Variants in COL23A1 observed in about 807,000 individuals in gnomAD.
COL23A1 encodes collagen alpha-1(XXIII) chain.
COL23A1 carries 97 observed loss-of-function variants against 99.3 expected under a neutral mutation model. That is an observed-to-expected ratio of 0.98 (90% CI 0.83 to 1.16). The LOEUF (loss-of-function observed/expected upper bound fraction) is 1.16. Ranked by LOEUF, COL23A1 falls within the 50% of genes most tolerant of loss-of-function variation. COL23A1 has a pLI of 0.00. For missense variants in COL23A1, 762 were observed against 757.4 expected, an observed-to-expected ratio of 1.01 and a Z score of -0.07; for synonymous variants, 320 against 308.2, an observed-to-expected ratio of 1.04 and a Z score of -0.40.
At chr5:178,358,433 ATGTGTG>A (rs1179778347) in intron 2 of COL23A1, among the ~76,000 whole-genome samples, 2 of 133,594 alleles carry the variant, frequency 1.5e-5, no homozygotes, top group Non-Finnish European at 3.2e-5. Flanking sequence ...GTGTATGTGT[ATGTGTG>A]TATGTGTGTA....
At chr5:178,374,681 C>G (rs1762977876) in intron 2 of COL23A1, among the ~76,000 whole-genome samples, 1 of 152,180 alleles carries the variant, frequency 6.6e-6, no homozygotes, top group African/African-American at 2.4e-5. Flanking sequence ...AAACCACTTC[C>G]CACCTGCTAG....
chr5:178,431,035 T>C (rs1184331166), intron 2 of COL23A1, among the ~76,000 whole-genome samples: 2 of 152,044 alleles, frequency 1.3e-5, no homozygotes, highest in Non-Finnish European at 2.9e-5. Context: ...AGCAGAGTTC[T>C]CCAGGCAGGG....
intron 2 of COL23A1, among the ~76,000 whole-genome samples, chr5:178,467,069 C>T (rs953942058): frequency 1.4e-4 from 22 of 152,196 alleles, no homozygotes; most frequent in African/African-American, 4.8e-4. Flanking sequence ...ACTGCTGTTA[C>T]GACGAGGTTA....
At chr5:178,405,819 T>G (rs1046939601) in intron 2 of COL23A1, among the ~76,000 whole-genome samples, 3 of 152,200 alleles carry the variant, frequency 2.0e-5, no homozygotes. Context: ...ATTCAAAAAC[T>G]AGGCTGGGCG....
At chr5:178,545,179 T>C (rs372483501) in intron 2 of COL23A1, among the ~76,000 whole-genome samples, 4 of 148,170 alleles carry the variant, frequency 2.7e-5, no homozygotes, top group South Asian at 2.2e-4. Context: ...TAGTTCCTGA[T>C]GGGGGAGGCG....
intron 1 of COL23A1, chr5:178,562,167 G>A (rs762374413): frequency 7.9e-5 from 38 of 482,474 alleles, no homozygotes; most frequent in Admixed American, 5.9e-4. Flanking sequence ...GCTTTAACGC[G>A]AGAGGCGGAG....
In COL23A1 at chr5:178,340,780, C is replaced by G. The variant is rs1760610419; in HGVS notation, c.362-33861G>C. Among the ~76,000 whole-genome samples the G allele has an allele frequency of 6.6e-6, 1 of 152,226 alleles. No homozygotes were observed. The highest frequency in any genetic ancestry group is 1.5e-5 in the Non-Finnish European group (1 of 68,044). On this transcript the variant is annotated intron_variant, in intron 2 of 28. Coordinates refer to ENST00000390654, the MANE Select transcript of COL23A1 (RefSeq NM_173465.4). This position sits in a 1 kb window ranked among gnomAD's most constrained non-coding sequence, Gnocchi z 4.7. ...GGGAATGGAGGTGGCCGGGGCAAGG[C>G]CTGGCTTTTCTTACATGGTGCTCCC...
chr5:178,242,052 G>T lies in COL23A1; in HGVS notation c.1571C>A (p.Pro524Gln). ...GEPGPPGLDQ[P>Q]CPVGPDGLPV... is the part of the protein sequence containing the mutation. ...TCCTCCGACACCTACCACGGGACAC[G>T]GCTGGTCCAGGCCTGGTGGTCCCGG... The change falls in exon 27 of 29, where the codon CCG (proline) becomes CAG (glutamine). Residue 524 changes from proline (P) to glutamine (Q), a missense_variant. Physicochemically the swap from Pro to Gln is moderately conservative, Grantham distance 76 (BLOSUM62 -1). Coordinates refer to ENST00000390654, the MANE Select transcript of COL23A1 (RefSeq NM_173465.4). The T allele has an allele frequency of 6.4e-7, 1 of 1,554,406 alleles. No individual in the cohort carries two copies.
Position 178,280,619 on chromosome 5 carries a change from G to T in COL23A1, c.441+7705C>A, listed in dbSNP as rs1186140994. Among the ~76,000 whole-genome samples the T allele has an allele frequency of 6.6e-6, 1 of 152,142 alleles. No homozygotes were observed. The highest frequency in any genetic ancestry group is 2.4e-5 in the African/African-American group (1 of 41,420). ...TGACTTTGTGCAGGTCTGTGAACAT[G>T]TTCTTCCATGTGATGGGGCGAGGAT... is the stretch of plus-strand genomic sequence containing the variant. On this transcript the variant is annotated intron_variant, in intron 5 of 28. Coordinates refer to ENST00000390654, the MANE Select transcript of COL23A1 (RefSeq NM_173465.4). The surrounding 1 kb of genome is among the most constrained non-coding windows in gnomAD (Gnocchi z 4.9).
chr5:178,368,468 G>A (rs1254060353), intron 2 of COL23A1, among the ~76,000 whole-genome samples: 1 of 152,196 alleles, frequency 6.6e-6, no homozygotes, highest in African/African-American at 2.4e-5. Flanking sequence ...CATAGTGTAC[G>A]TTAGGGTTCA....
intron 2 of COL23A1, among the ~76,000 whole-genome samples, chr5:178,413,309 A>AT (rs553439007): frequency 1.5e-3 from 222 of 152,262 alleles, no homozygotes; most frequent in South Asian, 2.5e-3. Flanking sequence ...TTTATGGTAG[A>AT]TTTTTTCCCC....
chr5:178,576,247 T>A (rs1253956507), intron 1 of COL23A1, among the ~76,000 whole-genome samples: 1 of 151,454 alleles, frequency 6.6e-6, no homozygotes. Flanking sequence ...TTCATTATCC[T>A]TTTTTTTTAG....
intron 2 of COL23A1, among the ~76,000 whole-genome samples, chr5:178,462,919 G>C (rs1048492451): frequency 1.3e-5 from 2 of 152,214 alleles, no homozygotes; most frequent in Non-Finnish European, 2.9e-5. Context: ...ACTGCGGAAC[G>C]AGGAGGAGAG....
intron 2 of COL23A1, among the ~76,000 whole-genome samples, chr5:178,523,199 T>TAGAG (rs1269636962): frequency 3.3e-4 from 25 of 75,960 alleles, no homozygotes; most frequent in Middle Eastern, 6.6e-3. Flanking sequence ...TATATATATA[T>TAGAG]ATAGAGAGAG....
chr5:178,451,427 A>G (rs1276174083), intron 2 of COL23A1, among the ~76,000 whole-genome samples: 1 of 152,144 alleles, frequency 6.6e-6, no homozygotes, highest in Non-Finnish European at 1.5e-5. Context: ...AGCCCAAGGC[A>G]TGCAGATTAC....
chr5:178,297,942 CA>C (rs1472564773), intron 3 of COL23A1, among the ~76,000 whole-genome samples: 1 of 152,210 alleles, frequency 6.6e-6, no homozygotes, highest in Non-Finnish European at 1.5e-5. Context: ...GCTGGGCATC[CA>C]ACAGTGATGG....
intron 1 of COL23A1, among the ~76,000 whole-genome samples, chr5:178,574,015 C>T (rs1413258488): frequency 3.9e-5 from 6 of 152,108 alleles, no homozygotes; most frequent in Admixed American, 1.3e-4. Context: ...CCCACCATCA[C>T]GCCCGCCTAA....
chr5:178,249,724 T>A (rs879732495), intron 18 of COL23A1, among the ~76,000 whole-genome samples: 7,350 of 81,646 alleles, frequency 0.09, 193 homozygotes, highest in Non-Finnish European at 0.13. Flanking sequence ...ACACTCTCTC[T>A]CTCTCTCTCT....
intron 2 of COL23A1, among the ~76,000 whole-genome samples, chr5:178,363,001 C>G (rs1370490008): frequency 8.0e-6 from 1 of 125,690 alleles, no homozygotes; most frequent in African/African-American, 3.0e-5. Context: ...AGCAACCCAC[C>G]CCCACAGCAA....
Sources: gnomAD v4.1 joint callset for allele counts (sites outside exome capture counted in the v4.1 genomes callset) on GRCh38, gnomAD v4.1.1 for gene constraint, Gnocchi (gnomAD v3.1) non-coding constraint, MANE v1.5 for transcripts, NCBI Gene and HGNC (gene_info 2026-07-23, HGNC 2026-07-21) for gene names.